PROM1: variants seen among roughly 807,000 people sequenced by gnomAD.
The protein encoded by PROM1 is prominin 1.
In PROM1, 105 loss-of-function variants were observed where a neutral mutation model predicts 116.9. The observed-to-expected ratio is 0.90, with a 90% CI of 0.77 to 1.06. The LOEUF is 1.06. Among genes scored for constraint, PROM1 ranks in the 50% least tolerant of loss-of-function variants. The pLI, the probability that PROM1 is intolerant of heterozygous loss-of-function variation, is 0.00. For missense variants in PROM1, 1,122 were observed against 1,045.2 expected (o/e 1.07, Z -1.01); for synonymous variants, 393 against 387.0 (o/e 1.02, Z -0.18).
chr4:16,047,244 G>T (rs374341302), intron 2 of PROM1, among the ~76,000 whole-genome samples: 1 of 151,740 alleles, frequency 6.6e-6, no homozygotes. Flanking sequence ...AGTCTCTGTC[G>T]CCCAGGCTGG....
intron 2 of PROM1, among the ~76,000 whole-genome samples, chr4:16,064,115 C>T (rs1173653015): frequency 6.6e-6 from 1 of 152,098 alleles, no homozygotes; most frequent in Non-Finnish European, 1.5e-5. Context: ...GCAATTCATT[C>T]CTAGATATAT....
At chr4:16,041,641 C>T (rs1169257588) in intron 2 of PROM1, among the ~76,000 whole-genome samples, 3 of 151,734 alleles carry the variant, frequency 2.0e-5, no homozygotes, top group Non-Finnish European at 4.4e-5. Context: ...GGGCATGCAC[C>T]TGTAGTGGGA....
chr4:15,985,008 T>G (rs1208081204), intron 22 of PROM1, among the ~76,000 whole-genome samples: 1 of 152,234 alleles, frequency 6.6e-6, no homozygotes, highest in Non-Finnish European at 1.5e-5. Context: ...GGATGAGTTC[T>G]GCATATACAG....
rs535144637 is a variant in PROM1, at chr4:16,041,080, A to T, written c.221-2079T>A. 3.9e-5 allele frequency among the ~76,000 whole-genome samples: 6 copies of T among 152,340 alleles called. No homozygotes were observed. The East Asian group carries it at 1.2e-3, about 29-fold the overall frequency. On this transcript the variant is annotated intron_variant, in intron 2 of 27. Transcript: ENST00000447510. ...CATGGGCTGTGGGAATCCCCAAGACATGTTCAGGGTGTCCATGAGGTCAAA... is the reference window on the plus strand; with the variant it reads ...CATGGGCTGTGGGAATCCCCAAGACTTGTTCAGGGTGTCCATGAGGTCAAA...
intron 25 of PROM1, 133 bp from the exon 26 acceptor site, chr4:15,979,596 T>C: frequency 7.3e-7 from 1 of 1,362,840 alleles, no homozygotes; most frequent in Non-Finnish European, 9.6e-7. Flanking sequence ...AAAAGACAAA[T>C]GAGTAATTGA....
intron 15 of PROM1, among the ~76,000 whole-genome samples, chr4:15,995,425 G>A (rs879916580): frequency 2.6e-5 from 4 of 151,840 alleles, no homozygotes; most frequent in Admixed American, 6.6e-5. Context: ...GGAGGAGGAA[G>A]AGGAAGAAGA....
At chr4:15,974,760 C>T (rs988504136) in intron 26 of PROM1, among the ~76,000 whole-genome samples, 8 of 152,116 alleles carry the variant, frequency 5.3e-5, no homozygotes, top group African/African-American at 1.4e-4. Flanking sequence ...CGTGAGCCAC[C>T]GCATCAGCCA....
intron 23 of PROM1, among the ~76,000 whole-genome samples, chr4:15,982,848 C>T (rs112421998): frequency 8.5e-5 from 13 of 152,120 alleles, no homozygotes; most frequent in Admixed American, 5.9e-4. Flanking sequence ...CTAGGGTCTG[C>T]GTGGTTGGGT....
intron 2 of PROM1, among the ~76,000 whole-genome samples, chr4:16,041,785 AATATATATATAT>A (rs200674323): frequency 1.9e-4 from 7 of 37,620 alleles, no homozygotes; most frequent in African/African-American, 5.4e-4. Context: ...TAAATAAATA[AATATATATATAT>A]ATATATATAT....
intron 2 of PROM1, among the ~76,000 whole-genome samples, chr4:16,046,131 G>C (rs1385070294): frequency 6.6e-6 from 1 of 152,200 alleles, no homozygotes; most frequent in Non-Finnish European, 1.5e-5. Flanking sequence ...AGTACAAATG[G>C]CTGGTAAAAT....
chr4:16,063,259 T>C (rs964450859), intron 2 of PROM1, among the ~76,000 whole-genome samples: 8 of 151,924 alleles, frequency 5.3e-5, no homozygotes, highest in African/African-American at 1.5e-4. Context: ...ACAAATAAAT[T>C]GCAAGAGGGA....
intron 2 of PROM1, chr4:16,055,513 A>G: frequency 4.5e-6 from 2 of 448,962 alleles, no homozygotes; most frequent in Non-Finnish European, 8.9e-6. Context: ...CAAACTCACA[A>G]ATTCCCTAGA....
At chr4:16,000,333 T>C (rs556492632) in intron 14 of PROM1, among the ~76,000 whole-genome samples, 163 bp downstream of exon 14, 1 of 152,226 alleles carries the variant, frequency 6.6e-6, no homozygotes, top group Middle Eastern at 3.2e-3. Flanking sequence ...ACTGAATTTA[T>C]TGAATATTTG....
At chr4:15,986,939 A>G (rs1420729831) in intron 20 of PROM1, among the ~76,000 whole-genome samples, 1 of 152,270 alleles carries the variant, frequency 6.6e-6, no homozygotes, top group African/African-American at 2.4e-5. Context: ...TACTGTAGAT[A>G]CAAGATGAAT....
At chr4:16,079,767 G>A (rs1190768033) in intron 1 of PROM1, 1 of 152,090 alleles carries the variant, frequency 6.6e-6, no homozygotes, top group African/African-American at 2.4e-5. Context: ...TCTGATCCTG[G>A]AGTACCCGCC....
At chr4:16,060,322 T>TA (rs397810062) in intron 2 of PROM1, among the ~76,000 whole-genome samples, 1 of 151,500 alleles carries the variant, frequency 6.6e-6, no homozygotes, top group Non-Finnish European at 1.5e-5. Flanking sequence ...TTTTTTTTTT[T>TA]CCTTTGGGAC....
chr4:16,073,265 T>C (rs1239273399), intron 2 of PROM1, among the ~76,000 whole-genome samples: 1 of 152,240 alleles, frequency 6.6e-6, no homozygotes, highest in Non-Finnish European at 1.5e-5. Context: ...TCCTGAAGTC[T>C]TGTGTTTGGT....
chr4:15,992,625 A>T (rs1721360965), intron 16 of PROM1, among the ~76,000 whole-genome samples: 1 of 152,180 alleles, frequency 6.6e-6, no homozygotes, highest in Admixed American at 6.5e-5. Flanking sequence ...TAAAAAATAA[A>T]TAAAAAATAA....
At chr4:16,058,819 G>A (rs769050835) in intron 2 of PROM1, among the ~76,000 whole-genome samples, 2 of 152,022 alleles carry the variant, frequency 1.3e-5, no homozygotes, top group Non-Finnish European at 2.9e-5. Flanking sequence ...TCCAAAAATA[G>A]AAGAATTACT....
Sources: gnomAD v4.1 joint callset for allele counts (sites outside exome capture counted in the v4.1 genomes callset) on GRCh38, gnomAD v4.1.1 for gene constraint, MANE v1.5 for transcripts, NCBI Gene and HGNC (gene_info 2026-07-23, HGNC 2026-07-21) for gene names.